Variants in ADGRF3 observed in about 807,000 individuals in gnomAD.
The protein encoded by ADGRF3 is G protein-coupled receptor 113.
A neutral mutation model predicts 93.2 loss-of-function variants in ADGRF3; 85 were observed. The observed-to-expected ratio is 0.91, with a 90% CI of 0.77 to 1.09. The LOEUF (loss-of-function observed/expected upper bound fraction) is 1.09. Among genes scored for constraint, ADGRF3 ranks in the 50% least tolerant of loss-of-function variants. The pLI, the probability that ADGRF3 is intolerant of heterozygous loss-of-function variation, is 0.00. For missense variants in ADGRF3, 1,125 were observed against 1,246.2 expected (o/e 0.90, Z 1.46); for synonymous variants, 534 against 532.5 (o/e 1.00, Z -0.04).
intron 13 of ADGRF3, 200 bp from the exon 14 acceptor site, chr2:26,309,307 G>C: frequency 6.6e-7 from 1 of 1,510,890 alleles, no homozygotes; most frequent in South Asian, 1.3e-5. Context: ...TGCTTTCTTG[G>C]AAAGCAAGAT....
chr2:26,325,979 T>A (rs1429731491), intron 1 of ADGRF3, among the ~76,000 whole-genome samples: 1 of 152,210 alleles, frequency 6.6e-6, no homozygotes, highest in Non-Finnish European at 1.5e-5. Context: ...GATGGTAGTA[T>A]TACTCCATGA....
chr2:26,343,152 G>A (rs542045037), intron 1 of ADGRF3, among the ~76,000 whole-genome samples: 4 of 152,274 alleles, frequency 2.6e-5, no homozygotes, highest in Admixed American at 2.6e-4. Flanking sequence ...GATGTCACTA[G>A]ATGACAGAAA....
chr2:26,309,093 G>A lies in ADGRF3; in HGVS notation c.3008C>T (p.Ser1003Leu). 1.9e-6 allele frequency: 3 copies of A among 1,614,042 alleles called. No individual in the cohort carries two copies. The highest frequency in any genetic ancestry group is 1.6e-4 in the Middle Eastern group (1 of 6,062). Residue 1003 changes from serine to leucine, a missense_variant, in exon 14 of 14, where the codon TCA becomes TTA. Physicochemically the swap from Ser to Leu is moderately radical, Grantham distance 145. Coordinates refer to ENST00000651242, the MANE Select transcript of ADGRF3 (RefSeq NM_001321971.2). ...CATGGGTCCGTGTGTGGTTCACTCTGAAGCATCTGTCTTCCTGTGAAAGAG... is the reference window on the plus strand; with the variant it reads ...CATGGGTCCGTGTGTGGTTCACTCTAAAGCATCTGTCTTCCTGTGAAAGAG... ...GSDTARKTDA[S>L]E
At chr2:26,324,229 C>T (rs553948313) in intron 1 of ADGRF3, among the ~76,000 whole-genome samples, 1 of 152,228 alleles carries the variant, frequency 6.6e-6, no homozygotes, top group East Asian at 1.9e-4. Context: ...CCAGCCTGGG[C>T]AACAGAGCAA....
At chr2:26,328,570 C>T (rs914503022) in intron 1 of ADGRF3, among the ~76,000 whole-genome samples, 3 of 151,658 alleles carry the variant, frequency 2.0e-5, no homozygotes, top group African/African-American at 7.3e-5. Context: ...TCTCCTGCCT[C>T]AGCCTCCTGA....
At chr2:26,318,793 G>A in intron 1 of ADGRF3, 1 of 1,131,270 alleles carries the variant, frequency 8.8e-7, no homozygotes, top group Non-Finnish European at 1.3e-6. Context: ...AAGTAAAACT[G>A]AGTTCTCAGA....
chr2:26,317,169 C>T, intron 2 of ADGRF3, 114 bp from the exon 3 acceptor site: 1 of 1,116,408 alleles, frequency 9.0e-7, no homozygotes, highest in Non-Finnish European at 1.3e-6. Context: ...AGACCCCCTC[C>T]CACAGCCTGT....
At chr2:26,318,345 G>C (rs1674890026) in intron 1 of ADGRF3, among the ~76,000 whole-genome samples, 1 of 152,200 alleles carries the variant, frequency 6.6e-6, no homozygotes, top group South Asian at 2.1e-4. Context: ...TTTAGTCCCA[G>C]TTACTTGGGA....
intron 12 of ADGRF3, 35 bp from the exon 13 acceptor site, chr2:26,309,616 G>A (rs751281682): frequency 5.6e-6 from 9 of 1,606,114 alleles, no homozygotes; most frequent in African/African-American, 1.3e-5. Context: ...TTGCAGGGCA[G>A]TTATTAGTAT....
intron 1 of ADGRF3, among the ~76,000 whole-genome samples, chr2:26,343,637 G>T (rs1676520626): frequency 6.6e-6 from 1 of 152,236 alleles, no homozygotes; most frequent in South Asian, 2.1e-4. Flanking sequence ...TAGAGACGGG[G>T]TTTCACCGTG....
chr2:26,319,515 TCCTC>T (rs1170564119), intron 1 of ADGRF3, among the ~76,000 whole-genome samples: 1 of 130,098 alleles, frequency 7.7e-6, no homozygotes, highest in Non-Finnish European at 1.7e-5. Flanking sequence ...TAGACTAGAA[TCCTC>T]CCTCCCTCCC....
Position 26,316,286 on chromosome 2 carries a change from A to T in ADGRF3, c.488T>A (p.Leu163Ter). ...FSHPEPGYCQ[L>*]LPPVPGILNL... ...CCAACCTTCCTCACCAGGTGGCAGC[A>T]ACTGGCAGTACCCGGGTTCGGGATG... The change falls in exon 4 of 14, where the codon TTG (leucine) becomes TAG (stop). Residue 163 changes from leucine to a stop codon, truncating the protein, a stop_gained. Transcript: ENST00000651242. LOFTEE classifies it high-confidence loss of function. The T allele has an allele frequency of 1.3e-6, 2 of 1,551,562 alleles. No homozygotes were observed. The highest frequency in any genetic ancestry group is 1.7e-6 in the Non-Finnish European group (2 of 1,146,886).
chr2:26,317,866 T>C, intron 1 of ADGRF3: 1 of 713,222 alleles, frequency 1.4e-6, no homozygotes. Flanking sequence ...AATGGCTTGG[T>C]CTGGAGCTCC....
chr2:26,346,010 AC>A lies in ADGRF3; in HGVS notation c.114+110del, dbSNP rs920999323. On this transcript the variant is annotated intron_variant, in intron 1 of 13. Transcript: ENST00000651242. ...GACGGGCCGCTCGAGCGGGCTAGCA[AC>A]CCCCCCTCGATGGGCGGGGAGAAGC... 86 of 1,160,442 alleles carry A rather than the reference AC, an allele frequency of 7.4e-5. 1 individual carries two copies. Among genetic ancestry groups the A allele is most frequent in the African/African-American group, 3.1e-4 (20 of 64,842 alleles). The allele number at this position is 1,160,442 out of a possible 1,614,324, so 71.9% of individuals were successfully genotyped here. A position where few individuals can be genotyped will look rare whatever the true frequency, so the allele number is the denominator to read the frequency against.
intron 1 of ADGRF3, among the ~76,000 whole-genome samples, chr2:26,326,151 G>A (rs535004888): frequency 5.3e-5 from 8 of 152,214 alleles, no homozygotes; most frequent in East Asian, 1.9e-4. Context: ...CATCCCCCTC[G>A]AACTGAATTC....
Position 26,308,559 on chromosome 2 carries a change from AAG to A in ADGRF3, c.*525_*526del. ...ATATTGATTTTTTAAAGGTTAAAGA[AAG>A]AGGGACCAATTAACTTCACCTTTTC... On this transcript the variant is annotated 3_prime_UTR_variant, in exon 14 of 14. Coordinates refer to ENST00000651242, the MANE Select transcript of ADGRF3 (RefSeq NM_001321971.2). 1 of 153,388 alleles carries A rather than the reference AAG, an allele frequency of 6.5e-6. No individual in the cohort carries two copies. Among genetic ancestry groups the A allele is most frequent in the Non-Finnish European group, 1.5e-5 (1 of 68,782 alleles). 9.5% of individuals were successfully genotyped at this position (153,388 alleles called of 1,614,324 possible). A position where few individuals can be genotyped will look rare whatever the true frequency, so the allele number is the denominator to read the frequency against.
intron 1 of ADGRF3, among the ~76,000 whole-genome samples, chr2:26,318,547 A>C (rs925316058): frequency 6.6e-6 from 1 of 152,240 alleles, no homozygotes; most frequent in Non-Finnish European, 1.5e-5. Context: ...ACATAGCCAT[A>C]GATATAGCTA....
In ADGRF3 at chr2:26,313,424, T is replaced by C. The variant is rs981904669; in HGVS notation, c.1222A>G (p.Ser408Gly). The change falls in exon 8 of 14, where the codon AGC (serine) becomes GGC (glycine). Residue 408 changes from serine to glycine, a missense_variant. Transcript: ENST00000651242. ...AGGAGCCTCGCATCTGTGCAGCTGC[T>C]GTGGACCGGCCCCCAGACTCCGTCA... The part of the protein sequence containing the change: ...GADGVWGPVH[S>G]SCTDARLLAL... 3 of 1,609,104 alleles carry C rather than the reference T, an allele frequency of 1.9e-6. No homozygotes were observed. The highest frequency in any genetic ancestry group is 1.1e-5 in the South Asian group (1 of 90,028).
At chr2:26,336,815 A>T (rs1676079235) in intron 1 of ADGRF3, among the ~76,000 whole-genome samples, 1 of 149,934 alleles carries the variant, frequency 6.7e-6, no homozygotes, top group Non-Finnish European at 1.5e-5. Context: ...AGTGGAAGAC[A>T]ACCCCAGTAA....
Sources: gnomAD v4.1 joint callset for allele counts (sites outside exome capture counted in the v4.1 genomes callset) on GRCh38, gnomAD v4.1.1 for gene constraint, MANE v1.5 for transcripts, NCBI Gene and HGNC (gene_info 2026-07-23, HGNC 2026-07-21) for gene names.